Variants in SMPD1 observed in about 807,000 individuals in gnomAD.
SMPD1 encodes sphingomyelin phosphodiesterase 1.
Under a neutral mutation model 49.7 loss-of-function variants are expected in SMPD1, and 47 were observed. That is an observed-to-expected ratio of 0.95 (90% CI 0.75 to 1.21). The LOEUF (loss-of-function observed/expected upper bound fraction) is 1.21. Among genes scored for constraint, SMPD1 ranks in the 50% most tolerant of loss-of-function variants. The probability of loss-of-function intolerance (pLI) is 0.00; values close to 1 mark genes in which losing one functional copy is unlikely to be tolerated. For missense variants in SMPD1, 811 were observed against 822.2 expected, an observed-to-expected ratio of 0.99 and a Z score of 0.17; for synonymous variants, 336 against 339.6, an observed-to-expected ratio of 0.99 and a Z score of 0.12.
At position 6,393,225 on chromosome 11, in the gene SMPD1, G is replaced by A. The variant is rs1302267359; in HGVS notation, c.1101G>A (p.Gly367=). 2.5e-6 allele frequency: 4 copies of A among 1,613,774 alleles called. No individual in the cohort carries two copies. Among genetic ancestry groups the A allele is most frequent in the Middle Eastern group, 1.6e-4 (1 of 6,062 alleles). The change falls in exon 3 of 6, where the codon GGG becomes GGA. Residue 367 remains glycine, a synonymous_variant. Transcript: ENST00000342245. The part of the protein sequence containing the change: ...AEALRTLRIG[G]FYALSPYPGL... ...GTTTACTTTGTTTCAGAATTGGGGG[G>A]TTCTATGCTCTTTCCCCATACCCCG...
chr11:6,392,726 C>G (rs2134015454), intron 2 of SMPD1, among the ~76,000 whole-genome samples: 1 of 151,858 alleles, frequency 6.6e-6, no homozygotes, highest in African/African-American at 2.4e-5. Context: ...ATCTCCTGAC[C>G]TCATGATCTG....
Position 6,394,352 on chromosome 11 carries a change from G to A in SMPD1, c.1641G>A (p.Leu547=). The A allele has an allele frequency of 1.9e-6, 3 of 1,614,242 alleles. No individual in the cohort carries two copies. The highest frequency in any genetic ancestry group is 2.2e-5 in the South Asian group (2 of 91,080). The change falls in exon 6 of 6, where the codon CTG becomes CTA. Residue 547 remains leucine (L), a synonymous_variant. Transcript: ENST00000342245. ...LLYRARETYG[L]PNTLPTAWHN... ...ACAGGGCTCGAGAAACCTATGGGCT[G>A]CCCAACACACTGCCTACCGCCTGGC...
chr11:6,393,780 C>T (rs1848051770), intron 4 of SMPD1, 87 bp downstream of exon 4: 8 of 1,546,416 alleles, frequency 5.2e-6, no homozygotes, highest in Non-Finnish European at 5.4e-6. Flanking sequence ...TCCCTGTTGT[C>T]CCATGGAGTG....
intron 2 of SMPD1, 157 bp downstream of exon 2, chr11:6,392,313 G>A: frequency 3.8e-6 from 2 of 531,386 alleles, no homozygotes; most frequent in Non-Finnish European, 3.3e-6. Context: ...CCTTTCTACT[G>A]TTTTGCCGCA....
intron 3 of SMPD1, 76 bp downstream of exon 3, chr11:6,393,463 CAGA>C: frequency 6.5e-7 from 1 of 1,528,082 alleles, no homozygotes. Flanking sequence ...CCTCTGGGCA[CAGA>C]AGTTTTATTT....
Position 6,391,778 on chromosome 11 carries a change from C to G in SMPD1, c.713C>G (p.Ala238Gly). 6.2e-7 allele frequency: 1 copy of G among 1,612,336 alleles called. No homozygotes were observed. Among genetic ancestry groups the G allele is most frequent in the Non-Finnish European group, 8.5e-7 (1 of 1,180,034 alleles). The part of the protein sequence containing the change: ...CCRRGSGLPP[A>G]SRPGAGYWGE... ...CGCCGGGGTTCTGGCCTGCCGCCCG[C>G]ATCCCGGCCAGGTGCCGGATACTGG... is the stretch of plus-strand genomic sequence containing the variant. The change falls in exon 2 of 6, where the codon GCA becomes GGA. Residue 238 changes from alanine (A) to glycine (G), a missense_variant. Coordinates refer to ENST00000342245, the MANE Select transcript of SMPD1 (RefSeq NM_000543.5).
At chr11:6,393,138 T>C in intron 2 of SMPD1, 78 bp from the exon 3 acceptor site, 1 of 1,254,274 alleles carries the variant, frequency 8.0e-7, no homozygotes, top group Non-Finnish European at 1.1e-6. Flanking sequence ...TGTATGCTTT[T>C]ACCCTCCACC....
rs35785620 is a variant in SMPD1 at position 6,394,474 on chromosome 11, C to A, written c.1763C>A (p.Thr588Lys). The A allele has an allele frequency of 1.1e-5, 18 of 1,614,034 alleles. No homozygotes were observed. In the Admixed American group the frequency reaches 2.7e-4, roughly 24 times the overall value. ...KGHPPSEPCG[T>K]PCRLATLCAQ... ...CACCCACCCTCGGAGCCCTGTGGCA[C>A]GCCCTGCCGTCTGGCTACTCTTTGT... is the stretch of plus-strand genomic sequence containing the variant. Residue 588 changes from threonine (T) to lysine (K), a missense_variant, in exon 6 of 6, where the codon ACG (threonine) becomes AAG (lysine). By Grantham distance (78) the Thr-to-Lys change is moderately conservative. Coordinates refer to ENST00000342245, the MANE Select transcript of SMPD1 (RefSeq NM_000543.5).
Position 6,392,102 on chromosome 11 carries a change from C to G in SMPD1, c.1037C>G (p.Ala346Gly). ...CACTCCTCCCGCTGGCTCTATGAAG[C>G]GATGGCCAAGGCTTGGGAGCCCTGG... ...GNHSSRWLYE[A>G]MAKAWEPWLP... Residue 346 changes from alanine (A) to glycine (G), a missense_variant, in exon 2 of 6, where the codon GCG (alanine) becomes GGG (glycine). Transcript: ENST00000342245. 1 of 1,614,014 alleles carries G rather than the reference C, an allele frequency of 6.2e-7. No homozygotes were observed. Among genetic ancestry groups the G allele is most frequent in the Non-Finnish European group, 8.5e-7 (1 of 1,180,022 alleles).
chr11:6,391,556 G>T lies in SMPD1; in HGVS notation c.491G>T (p.Gly164Val), dbSNP rs1047531932. 4 of 1,613,676 alleles carry T rather than the reference G, an allele frequency of 2.5e-6. No individual in the cohort carries two copies. Among genetic ancestry groups the T allele is most frequent in the Non-Finnish European group, 3.4e-6 (4 of 1,179,932 alleles). ...SPSEACGLLL[G>V]STCGHWDIFS... The stretch of plus-strand genomic sequence containing the variant: ...TCTGAGGCCTGTGGCCTGCTCCTGG[G>T]CTCCACCTGTGGGCACTGGGACATT... Residue 164 changes from glycine (G) to valine (V), a missense_variant, in exon 2 of 6, where the codon GGC becomes GTC. Transcript: ENST00000342245.
At position 6,394,407 on chromosome 11, in the gene SMPD1, A is replaced by G. The variant is rs753766103; in HGVS notation, c.1696A>G (p.Met566Val). The G allele has an allele frequency of 1.9e-6, 3 of 1,614,214 alleles. No individual in the cohort carries two copies. The highest frequency in any genetic ancestry group is 3.3e-5 in the Admixed American group (2 of 60,028). ...CCTGGTATATCGCATGCGGGGCGACATGCAACTTTTCCAGACCTTCTGGTT... is the reference window on the plus strand; with the variant it reads ...CCTGGTATATCGCATGCGGGGCGACGTGCAACTTTTCCAGACCTTCTGGTT... ...HNLVYRMRGD[M>V]QLFQTFWFLY... Residue 566 changes from methionine to valine, a missense_variant, in exon 6 of 6, where the codon ATG becomes GTG. Met to Val is a conservative substitution (Grantham distance 21). Transcript: ENST00000342245.
In SMPD1 at chr11:6,393,155, C is replaced by T. The variant is rs142187136; in HGVS notation, c.1092-61C>T. 2.1e-5 allele frequency: 31 copies of T among 1,467,126 alleles called. No individual in the cohort carries two copies. In the East Asian group the frequency reaches 7.1e-4, roughly 34 times the overall value. 90.9% of individuals were successfully genotyped at this position (1,467,126 alleles called of 1,614,324 possible). A position where few individuals can be genotyped will look rare whatever the true frequency, so the allele number is the denominator to read the frequency against. On this transcript the variant is annotated intron_variant, in intron 2 of 5. Coordinates refer to ENST00000342245, the MANE Select transcript of SMPD1 (RefSeq NM_000543.5). ...TATGCTTTTACCCTCCACCCAAATG[C>T]CCAGCACAGGAGGACCAGGATTGGA...
chr11:6,393,073 G>A (rs12284353), intron 2 of SMPD1, 143 bp from the exon 3 acceptor site: 1 of 681,104 alleles, frequency 1.5e-6, no homozygotes, highest in East Asian at 2.7e-5. Context: ...CCAATAATTA[G>A]AACTGTTTGG....
chr11:6,393,208 T>A lies in SMPD1; in HGVS notation c.1092-8T>A. 1.2e-6 allele frequency: 2 copies of A among 1,613,360 alleles called. No homozygotes were observed. The highest frequency in any genetic ancestry group is 8.5e-7 in the Non-Finnish European group (1 of 1,179,398). ...AAGTGTTGACCTCTCATGTTTACTT[T>A]GTTTCAGAATTGGGGGGTTCTATGC... On this transcript the variant is annotated splice_polypyrimidine_tract_variant and splice_region_variant and intron_variant, in intron 2 of 5. Transcript: ENST00000342245.
rs199836262 is a variant in SMPD1, at chr11:6,390,606, G to T, written c.8G>T (p.Arg3Leu). MPRYGASLRQSCP... is the reference protein window; with the variant it reads MPLYGASLRQSCP... ...CGTGTAGGAAGCGCGACAATGCCCCGCTACGGAGCGTCACTCCGCCAGAGC... is the reference window on the plus strand; with the variant it reads ...CGTGTAGGAAGCGCGACAATGCCCCTCTACGGAGCGTCACTCCGCCAGAGC... The change falls in exon 1 of 6, where the codon CGC (arginine) becomes CTC (leucine). Residue 3 changes from arginine (R) to leucine (L), a missense_variant. Coordinates refer to ENST00000342245, the MANE Select transcript of SMPD1 (RefSeq NM_000543.5). 1.2e-6 allele frequency: 2 copies of T among 1,612,216 alleles called. No individual in the cohort carries two copies. The highest frequency in any genetic ancestry group is 8.5e-7 in the Non-Finnish European group (1 of 1,179,582).
rs757091200 is a variant in SMPD1 at position 6,391,377 on chromosome 11, A to T, written c.319-7A>T. On this transcript the variant is annotated splice_polypyrimidine_tract_variant and splice_region_variant and intron_variant, in intron 1 of 5. Coordinates refer to ENST00000342245, the MANE Select transcript of SMPD1 (RefSeq NM_000543.5). ...TGATTTCTCACCATGCGCTCCTCCC[A>T]CTGCAGAAGGAACCCAATGTGGCTC... is the stretch of plus-strand genomic sequence containing the variant. The T allele has an allele frequency of 6.2e-6, 10 of 1,612,146 alleles. No individual in the cohort carries two copies. In the South Asian group the frequency reaches 7.7e-5, roughly 12 times the overall value.
In SMPD1 at chr11:6,394,401, G is replaced by T; in HGVS notation, c.1690G>T (p.Gly564Cys). The change falls in exon 6 of 6, where the codon GGC becomes TGC. Residue 564 changes from glycine to cysteine, a missense_variant. Gly to Cys is a radical substitution (Grantham distance 159, BLOSUM62 -3). Transcript: ENST00000342245. ...AWHNLVYRMRGDMQLFQTFWF... is the reference protein window; with the variant it reads ...AWHNLVYRMRCDMQLFQTFWF... ...GCACAACCTGGTATATCGCATGCGG[G>T]GCGACATGCAACTTTTCCAGACCTT... 6.2e-7 allele frequency: 1 copy of T among 1,614,198 alleles called. No individual in the cohort carries two copies. The highest frequency in any genetic ancestry group is 8.5e-7 in the Non-Finnish European group (1 of 1,180,032).
At chr11:6,393,185 G>C in intron 2 of SMPD1, 31 bp from the exon 3 acceptor site, 2 of 1,606,420 alleles carry the variant, frequency 1.2e-6, no homozygotes, top group South Asian at 2.2e-5. Context: ...ATTGGAACAA[G>C]TGTTGACCTC....
chr11:6,390,610 C>G lies in SMPD1; in HGVS notation c.12C>G (p.Tyr4Ter). 2 of 1,612,416 alleles carry G rather than the reference C, an allele frequency of 1.2e-6. No individual in the cohort carries two copies. The highest frequency in any genetic ancestry group is 1.7e-6 in the Non-Finnish European group (2 of 1,179,648). Residue 4 changes from tyrosine (Y) to a stop codon, truncating the protein, a stop_gained, in exon 1 of 6, where the codon TAC becomes TAG. Transcript: ENST00000342245. LOFTEE classifies it high-confidence loss of function. ...TAGGAAGCGCGACAATGCCCCGCTA[C>G]GGAGCGTCACTCCGCCAGAGCTGCC... is the stretch of plus-strand genomic sequence containing the variant. The part of the protein sequence containing the change: MPR[Y>*]GASLRQSCPR...
Sources: gnomAD v4.1 joint callset for allele counts (sites outside exome capture counted in the v4.1 genomes callset) on GRCh38, gnomAD v4.1.1 for gene constraint, MANE v1.5 for transcripts, NCBI Gene and HGNC (gene_info 2026-07-23, HGNC 2026-07-21) for gene names.